The following C12orf42 variants were observed in gnomAD, a reference collection of about 807,000 sequenced individuals.
C12orf42 encodes uncharacterized protein C12orf42.
Under a neutral mutation model 21.6 loss-of-function variants are expected in C12orf42, and 25 were observed. The ratio of observed to expected loss-of-function variants is 1.16; its 90% CI spans 0.84 to 1.62. The LOEUF (loss-of-function observed/expected upper bound fraction) is 1.62. Ranked by LOEUF, C12orf42 falls within the 40% of genes most tolerant of loss-of-function variation. C12orf42 has a pLI of 0.00. For missense variants in C12orf42, 483 were observed against 459.3 expected, an observed-to-expected ratio of 1.05 and a Z score of -0.47; for synonymous variants, 174 against 175.0, an observed-to-expected ratio of 0.99 and a Z score of 0.05.
chr12:103,426,317 A>G (rs1405422117), intron 2 of C12orf42, among the ~76,000 whole-genome samples: 2 of 152,246 alleles, frequency 1.3e-5, no homozygotes, highest in Non-Finnish European at 2.9e-5. Flanking sequence ...TGAAGCATAC[A>G]CAAGTATCAA....
At chr12:103,447,808 T>C (rs369056157) in intron 2 of C12orf42, among the ~76,000 whole-genome samples, 1 of 152,058 alleles carries the variant, frequency 6.6e-6, no homozygotes, top group East Asian at 1.9e-4. Flanking sequence ...CACCAACAAA[T>C]GGGAGCACAT....
chr12:103,304,622 T>C (rs1342850595), intron 5 of C12orf42, among the ~76,000 whole-genome samples: 1 of 152,208 alleles, frequency 6.6e-6, no homozygotes, highest in Non-Finnish European at 1.5e-5. Flanking sequence ...GATTCTGCAC[T>C]AAACCATAGG....
chr12:103,372,761 G>A (rs2045368697), intron 3 of C12orf42, among the ~76,000 whole-genome samples: 1 of 152,134 alleles, frequency 6.6e-6, no homozygotes, highest in Non-Finnish European at 1.5e-5. Context: ...GCACCAAAAA[G>A]CTAAGGCAGT....
At chr12:103,245,617 T>C (rs1409341542) in intron 10 of C12orf42, among the ~76,000 whole-genome samples, 2 of 152,086 alleles carry the variant, frequency 1.3e-5, no homozygotes, top group African/African-American at 4.8e-5. Flanking sequence ...CTCAGAACAC[T>C]AGGAGCTGCC....
chr12:103,070,956 TG>T, the C12orf42 span, among the ~76,000 whole-genome samples: 1 of 152,200 alleles, frequency 6.6e-6, no homozygotes, highest in Non-Finnish European at 1.5e-5. Context: ...ATTTTTCAAG[TG>T]GTGAATCGTT....
chr12:103,067,774 C>T, the C12orf42 span, among the ~76,000 whole-genome samples: 3 of 152,192 alleles, frequency 2.0e-5, no homozygotes, highest in African/African-American at 7.2e-5. Flanking sequence ...GTTATGATTG[C>T]CACCTGGACA....
At chr12:103,180,713 G>C in the C12orf42 span, among the ~76,000 whole-genome samples, 2 of 128,052 alleles carry the variant, frequency 1.6e-5, no homozygotes, top group African/African-American at 3.1e-5. Flanking sequence ...ACCACAAACT[G>C]CACCTCCTGG....
chr12:103,112,107 A>G, the C12orf42 span, among the ~76,000 whole-genome samples: 1 of 152,344 alleles, frequency 6.6e-6, no homozygotes, highest in Non-Finnish European at 1.5e-5. Flanking sequence ...AACAATAAAT[A>G]GATGGGATCC....
chr12:103,141,599 G>C, the C12orf42 span, among the ~76,000 whole-genome samples: 1 of 148,404 alleles, frequency 6.7e-6, no homozygotes, highest in East Asian at 2.0e-4. Flanking sequence ...GCGGGATCTC[G>C]GCTCACTGCA....
chr12:103,318,952 T>C (rs545360984), intron 4 of C12orf42, among the ~76,000 whole-genome samples: 1 of 152,238 alleles, frequency 6.6e-6, no homozygotes, highest in Non-Finnish European at 1.5e-5. Context: ...GATTAACTTA[T>C]GTCAACCACA....
the C12orf42 span, among the ~76,000 whole-genome samples, chr12:103,158,823 T>C: frequency 3.4e-5 from 5 of 146,918 alleles, no homozygotes; most frequent in Non-Finnish European, 5.9e-5. Context: ...GAGGTTGCAG[T>C]GAGCCGAGAT....
the C12orf42 span, among the ~76,000 whole-genome samples, chr12:103,163,796 T>C: frequency 6.6e-6 from 1 of 152,164 alleles, no homozygotes; most frequent in Non-Finnish European, 1.5e-5. Flanking sequence ...TGAGCCTCAG[T>C]TTTCTCATCT....
the C12orf42 span, among the ~76,000 whole-genome samples, chr12:103,189,625 G>A: frequency 6.6e-6 from 1 of 152,140 alleles, no homozygotes; most frequent in Non-Finnish European, 1.5e-5. Flanking sequence ...TTCCTCCTAG[G>A]AGCTCTAGTG....
At chr12:103,435,188 G>A (rs1466253741) in intron 2 of C12orf42, among the ~76,000 whole-genome samples, 1 of 152,020 alleles carries the variant, frequency 6.6e-6, no homozygotes, top group Non-Finnish European at 1.5e-5. Context: ...GCAGCTGAGG[G>A]TCCTGTCTGT....
At chr12:103,089,465 G>A in the C12orf42 span, among the ~76,000 whole-genome samples, 3 of 152,262 alleles carry the variant, frequency 2.0e-5, no homozygotes, top group East Asian at 1.9e-4. Context: ...TTTACAGGGC[G>A]TATCTTCTTC....
intron 10 of C12orf42, among the ~76,000 whole-genome samples, chr12:103,256,757 G>T (rs183682853): frequency 6.6e-6 from 1 of 152,250 alleles, no homozygotes; most frequent in Admixed American, 6.5e-5. Flanking sequence ...AAATGAACAA[G>T]TTGGGGAAAA....
intron 3 of C12orf42, among the ~76,000 whole-genome samples, chr12:103,378,376 G>C (rs1224322199): frequency 6.6e-6 from 1 of 151,956 alleles, no homozygotes; most frequent in Non-Finnish European, 1.5e-5. Context: ...TCTTCAAAAG[G>C]CACCCTCCCA....
At chr12:103,273,731 A>G in intron 5 of C12orf42, 1 of 414,196 alleles carries the variant, frequency 2.4e-6, no homozygotes, top group Non-Finnish European at 4.8e-6. Flanking sequence ...TAGGGAAAAG[A>G]AGAAGGAAAA....
rs753819440 is a variant in C12orf42 at position 103,478,413 on chromosome 12, A to G, written c.14T>C (p.Ile5Thr). 6 of 1,590,226 alleles carry G rather than the reference A, an allele frequency of 3.8e-6. No individual in the cohort carries two copies. The South Asian group carries it at 6.8e-5, about 18-fold the overall frequency. Residue 5 changes from isoleucine to threonine, a missense_variant, in exon 2 of 6, where the codon ATA becomes ACA. Physicochemically the swap from Ile to Thr is moderately conservative, Grantham distance 89. Transcript: ENST00000548883. MSTV[I>T]CMKQREEEFL... is the part of the protein sequence containing the mutation. ...TTCTTCTTCCCTTTGTTTCATACAT[A>G]TCACTGTAGACATTAATTTGACAAG...
Sources: gnomAD v4.1 joint callset for allele counts (sites outside exome capture counted in the v4.1 genomes callset) on GRCh38, gnomAD v4.1.1 for gene constraint, MANE v1.5 for transcripts, NCBI Gene and HGNC (gene_info 2026-07-23, HGNC 2026-07-21) for gene names.